ATP8A2: variants seen among roughly 807,000 people sequenced by gnomAD.
ATP8A2 encodes phospholipid-transporting ATPase IB.
In ATP8A2, 100 loss-of-function variants were observed where a neutral mutation model predicts 165.6. That is an observed-to-expected ratio of 0.60 (90% confidence interval 0.51 to 0.71). The LOEUF (loss-of-function observed/expected upper bound fraction) is 0.71, where lower values mean the gene tolerates loss of function less well. Ranked by LOEUF, ATP8A2 falls within the 30% of genes least tolerant of loss-of-function variation. The probability of loss-of-function intolerance (pLI) is 0.00; values close to 1 mark genes in which losing one functional copy is unlikely to be tolerated. For missense variants in ATP8A2, 1,227 were observed against 1,479.5 expected, an observed-to-expected ratio of 0.83 and a Z score of 2.80; for synonymous variants, 543 against 548.8, an observed-to-expected ratio of 0.99 and a Z score of 0.15.
At chr13:25,893,247 G>C (rs1433023018) in intron 33 of ATP8A2, among the ~76,000 whole-genome samples, 1 of 127,528 alleles carries the variant, frequency 7.8e-6, no homozygotes, top group East Asian at 2.3e-4. Context: ...TCCCCTTCCT[G>C]TGTCCATGTG....
intron 20 of ATP8A2, 110 bp from the exon 21 acceptor site, chr13:25,578,705 C>T (rs1184201259): frequency 1.4e-6 from 1 of 730,936 alleles, no homozygotes; most frequent in Non-Finnish European, 2.4e-6. Flanking sequence ...TACTTACCCA[C>T]TCGGGTATTC....
intron 2 of ATP8A2, among the ~76,000 whole-genome samples, chr13:25,513,001 G>A (rs1023339053): frequency 3.6e-5 from 5 of 139,064 alleles, no homozygotes; most frequent in African/African-American, 1.3e-4. Context: ...GGCTGGCCGG[G>A]CGGGGGGCTG....
In ATP8A2 at chr13:26,020,925, C is replaced by G. The variant is rs1368023256; in HGVS notation, c.*940C>G. ...CCACAGGTCAGAGTGGTGGTAGAAC[C>G]CCTTCAGGACTCCCAGCCGTGGTCA... On this transcript the variant is annotated 3_prime_UTR_variant, in exon 37 of 37. Transcript: ENST00000381655. 6.6e-6 allele frequency: 1 copy of G among 152,302 alleles called. No homozygotes were observed. The highest frequency in any genetic ancestry group is 1.5e-5 in the Non-Finnish European group (1 of 68,086). The allele number at this position is 152,302 out of a possible 1,614,324, so 9.4% of individuals were successfully genotyped here. A position where few individuals can be genotyped will look rare whatever the true frequency, so the allele number is the denominator to read the frequency against.
At chr13:25,601,836 A>C (rs2040396424) in intron 24 of ATP8A2, among the ~76,000 whole-genome samples, 1 of 152,192 alleles carries the variant, frequency 6.6e-6, no homozygotes, top group South Asian at 2.1e-4. Context: ...TTTAAACAGA[A>C]TACTAAGCAG....
At chr13:25,619,669 G>T (rs368320425) in intron 24 of ATP8A2, among the ~76,000 whole-genome samples, 50 of 152,158 alleles carry the variant, frequency 3.3e-4, no homozygotes, top group African/African-American at 1.2e-3. Flanking sequence ...CTAAGGAAAG[G>T]TTGAATAGTA....
At chr13:25,968,532 A>G (rs761365906) in intron 34 of ATP8A2, 43 bp from the exon 35 acceptor site, 2 of 1,558,998 alleles carry the variant, frequency 1.3e-6, no homozygotes, top group Admixed American at 3.5e-5. Context: ...AGCTGTGTCA[A>G]GTCTCTATGC....
intron 27 of ATP8A2, among the ~76,000 whole-genome samples, chr13:25,787,604 A>AGCGTTGCTGCATGGACTTATTT (rs2045062312): frequency 6.6e-6 from 1 of 152,334 alleles, no homozygotes; most frequent in South Asian, 2.1e-4. Flanking sequence ...TTCCTTATTC[A>AGCGTTGCTGCATGGACTTATTT]GCGTTGCTGC....
At chr13:25,746,236 C>T (rs1401200896) in intron 25 of ATP8A2, among the ~76,000 whole-genome samples, 1 of 152,130 alleles carries the variant, frequency 6.6e-6, no homozygotes, top group East Asian at 1.9e-4. Flanking sequence ...CAAAAAACTC[C>T]CAAACGCCCA....
chr13:25,695,434 G>T (rs749118481), intron 24 of ATP8A2, among the ~76,000 whole-genome samples: 8 of 152,242 alleles, frequency 5.3e-5, no homozygotes, highest in Admixed American at 2.0e-4. Flanking sequence ...TGCTGCATCT[G>T]TTGACTCTAC....
intron 4 of ATP8A2, among the ~76,000 whole-genome samples, chr13:25,531,374 G>C (rs1379899794): frequency 1.1e-5 from 1 of 94,434 alleles, no homozygotes; most frequent in Non-Finnish European, 2.1e-5. Context: ...ATATATATAT[G>C]TTATATATAT....
At chr13:26,003,784 T>A (rs1420763381) in intron 35 of ATP8A2, among the ~76,000 whole-genome samples, 1 of 152,174 alleles carries the variant, frequency 6.6e-6, no homozygotes, top group Non-Finnish European at 1.5e-5. Context: ...CTGCTTTTTC[T>A]TCATTGTGTG....
At chr13:25,860,403 T>G in intron 31 of ATP8A2, 147 bp downstream of exon 31, 1 of 565,854 alleles carries the variant, frequency 1.8e-6, no homozygotes, top group Non-Finnish European at 3.1e-6. Flanking sequence ...AAGTTCAGAA[T>G]GGTTGTGAAA....
intron 2 of ATP8A2, among the ~76,000 whole-genome samples, chr13:25,487,684 G>A (rs1227791945): frequency 6.6e-6 from 1 of 152,162 alleles, no homozygotes; most frequent in Non-Finnish European, 1.5e-5. Context: ...GGTGCATATC[G>A]AATAGGATGA....
chr13:25,413,203 T>C (rs1262502550), intron 1 of ATP8A2, among the ~76,000 whole-genome samples: 1 of 152,118 alleles, frequency 6.6e-6, no homozygotes, highest in Non-Finnish European at 1.5e-5. Context: ...GCAATAGAAG[T>C]AATTCTTCTA....
chr13:25,664,281 A>T (rs1445968971), intron 24 of ATP8A2, among the ~76,000 whole-genome samples: 1 of 152,238 alleles, frequency 6.6e-6, no homozygotes, highest in African/African-American at 2.4e-5. Context: ...ACTTACAATA[A>T]AATAAGTTAC....
At chr13:25,548,998 A>G (rs940151375) in intron 10 of ATP8A2, among the ~76,000 whole-genome samples, 2 of 152,252 alleles carry the variant, frequency 1.3e-5, no homozygotes, top group South Asian at 2.1e-4. Context: ...CTTTATTTGT[A>G]TTCTTATCTT....
At chr13:25,509,715 T>G (rs756211409) in intron 2 of ATP8A2, among the ~76,000 whole-genome samples, 3 of 152,234 alleles carry the variant, frequency 2.0e-5, no homozygotes, top group South Asian at 4.1e-4. Context: ...CAAAATTTAA[T>G]ATTCTCCTTC....
chr13:25,925,122 T>A (rs1298708539), intron 33 of ATP8A2, among the ~76,000 whole-genome samples: 1 of 152,226 alleles, frequency 6.6e-6, no homozygotes, highest in Non-Finnish European at 1.5e-5. Context: ...ATTGCCTTTT[T>A]CTTTTTTTTA....
chr13:25,633,437 T>G lies in ATP8A2; in HGVS notation c.2211+43738T>G, dbSNP rs372591554. On this transcript the variant is annotated intron_variant, in intron 24 of 36. Transcript: ENST00000381655. ...TTACCTTCCTTTACAGAGAGAGAGA[T>G]AAAGAGAGCAAGAGAGTGCATGGGA... Among the ~76,000 whole-genome samples, 90 of 152,244 alleles carry G rather than the reference T, an allele frequency of 5.9e-4. 1 individual carries two copies. The South Asian group carries it at 0.018, about 31-fold the overall frequency.
Sources: allele counts gnomAD v4.1 joint callset (sites outside exome capture counted in the v4.1 genomes callset), GRCh38; gene constraint gnomAD v4.1.1; transcripts MANE v1.5; gene names NCBI Gene and HGNC (gene_info 2026-07-23, HGNC 2026-07-21).